The following GALNT17 variants were observed in gnomAD, a reference collection of about 807,000 sequenced individuals.
GALNT17 encodes the protein polypeptide N-acetylgalactosaminyltransferase 17, also known as UDP-GalNAc:polypeptide N-acetylgalactosaminyltransferase-like 3.
A neutral mutation model predicts 63.7 loss-of-function variants in GALNT17; 29 were observed. The observed-to-expected ratio is 0.46, with a 90% confidence interval of 0.34 to 0.62. GALNT17 has a LOEUF of 0.62. Among genes scored for constraint, GALNT17 ranks in the 20% least tolerant of loss-of-function variants. The pLI is 0.01. For missense variants in GALNT17, 603 were observed against 799.6 expected (o/e 0.75, Z 2.97); for synonymous variants, 305 against 318.3 (o/e 0.96, Z 0.45).
At chr7:71,448,994 G>T (rs1465503484) in intron 5 of GALNT17, among the ~76,000 whole-genome samples, 1 of 151,832 alleles carries the variant, frequency 6.6e-6, no homozygotes, top group Non-Finnish European at 1.5e-5. Context: ...GGTTTAAACG[G>T]ATGGATTCCA....
At chr7:71,369,191 T>A (rs999738424) in intron 2 of GALNT17, among the ~76,000 whole-genome samples, 1 of 152,220 alleles carries the variant, frequency 6.6e-6, no homozygotes, top group Non-Finnish European at 1.5e-5. Flanking sequence ...TTACATTGAT[T>A]AATGTATTAA....
chr7:71,710,907 C>T lies in GALNT17; in HGVS notation c.1647C>T (p.Tyr549=), dbSNP rs773384881. ...LDCDKVKSSL[Y]KRWNFIQNGA... is the part of the protein sequence containing the mutation. The stretch of plus-strand genomic sequence containing the variant: ...GCGACAAGGTCAAGAGCAGCCTGTA[C>T]AAGCGCTGGAACTTCATCCAGGTGA... Residue 549 remains tyrosine (Y), a synonymous_variant, in exon 10 of 11, where the codon TAC becomes TAT. Coordinates refer to ENST00000333538, the MANE Select transcript of GALNT17 (RefSeq NM_022479.3). 2 of 1,613,886 alleles carry T rather than the reference C, an allele frequency of 1.2e-6. No individual in the cohort carries two copies. Among genetic ancestry groups the T allele is most frequent in the Middle Eastern group, 1.7e-4 (1 of 5,988 alleles).
intron 3 of GALNT17, among the ~76,000 whole-genome samples, chr7:71,403,279 C>G (rs921048488): frequency 1.3e-5 from 2 of 152,204 alleles, no homozygotes; most frequent in Non-Finnish European, 2.9e-5. Context: ...CGCTCAGTTT[C>G]TCCCAGTGGT....
intron 2 of GALNT17, among the ~76,000 whole-genome samples, chr7:71,361,118 A>C (rs1457620849): frequency 6.6e-6 from 1 of 152,170 alleles, no homozygotes; most frequent in Non-Finnish European, 1.5e-5. Flanking sequence ...TGAGTTACCC[A>C]AAGTTCCCAG....
chr7:71,303,617 C>T (rs182110090), intron 1 of GALNT17, among the ~76,000 whole-genome samples: 46 of 152,198 alleles, frequency 3.0e-4, no homozygotes, highest in Non-Finnish European at 3.7e-4. Context: ...TTGTTTAATA[C>T]AGTGATTACT....
intron 1 of GALNT17, among the ~76,000 whole-genome samples, chr7:71,210,749 G>A (rs1789359998): frequency 6.6e-6 from 1 of 152,098 alleles, no homozygotes; most frequent in South Asian, 2.1e-4. Flanking sequence ...TCCTCCCTAT[G>A]CCTCACTTTC....
chr7:71,698,109 G>A (rs1439359798), intron 9 of GALNT17, among the ~76,000 whole-genome samples: 16 of 125,970 alleles, frequency 1.3e-4, no homozygotes, highest in Non-Finnish European at 2.0e-4. Context: ...CGCGACAAGA[G>A]CAAGACTCTG....
chr7:71,410,120 C>CT (rs1793403403), intron 3 of GALNT17, among the ~76,000 whole-genome samples: 1 of 152,148 alleles, frequency 6.6e-6, no homozygotes, highest in South Asian at 2.1e-4. Context: ...GTAACAGGGT[C>CT]TATTGTCCTA....
chr7:71,498,190 A>G (rs1205620454), intron 5 of GALNT17, among the ~76,000 whole-genome samples: 5 of 152,130 alleles, frequency 3.3e-5, no homozygotes, highest in South Asian at 2.1e-4. Context: ...AAAGAGAGAA[A>G]GAGGGCTGGG....
intron 5 of GALNT17, among the ~76,000 whole-genome samples, chr7:71,499,331 G>A (rs1477803319): frequency 6.6e-6 from 1 of 152,130 alleles, no homozygotes; most frequent in East Asian, 1.9e-4. Flanking sequence ...TGAGATGGGA[G>A]GATCATATCA....
At chr7:71,184,539 C>T (rs911798558) in intron 1 of GALNT17, among the ~76,000 whole-genome samples, 6 of 152,176 alleles carry the variant, frequency 3.9e-5, no homozygotes, top group Non-Finnish European at 5.9e-5. Flanking sequence ...AGAGCCTTAT[C>T]CTCTTAAGAT....
chr7:71,259,079 G>A (rs540564133), intron 1 of GALNT17, among the ~76,000 whole-genome samples: 51 of 152,244 alleles, frequency 3.3e-4, no homozygotes, highest in South Asian at 8.3e-4. Flanking sequence ...CTGGCACACC[G>A]TACCCACTGG....
chr7:71,509,581 C>A (rs1180468088), intron 5 of GALNT17, among the ~76,000 whole-genome samples: 2 of 152,188 alleles, frequency 1.3e-5, no homozygotes, highest in African/African-American at 4.8e-5. Flanking sequence ...TTAAACTTGC[C>A]CGTAGTCACA....
At chr7:71,590,588 G>C (rs1241753565) in intron 6 of GALNT17, among the ~76,000 whole-genome samples, 1 of 152,200 alleles carries the variant, frequency 6.6e-6, no homozygotes, top group Non-Finnish European at 1.5e-5. Context: ...ATGACATCCT[G>C]ATGTGCTTGT....
chr7:71,252,952 A>T (rs1446519525), intron 1 of GALNT17, among the ~76,000 whole-genome samples: 1 of 152,218 alleles, frequency 6.6e-6, no homozygotes, highest in East Asian at 1.9e-4. Flanking sequence ...GACAAAGGAC[A>T]GATTTGAAAT....
intron 2 of GALNT17, among the ~76,000 whole-genome samples, chr7:71,364,373 T>C (rs778410437): frequency 6.6e-6 from 1 of 152,178 alleles, no homozygotes; most frequent in African/African-American, 2.4e-5. Flanking sequence ...AGTGTCTCGC[T>C]TCAGTCCTGG....
chr7:71,280,818 C>A (rs1790766408), intron 1 of GALNT17, among the ~76,000 whole-genome samples: 1 of 152,148 alleles, frequency 6.6e-6, no homozygotes, highest in Non-Finnish European at 1.5e-5. Context: ...CTGAACCCAT[C>A]CCAGGGGATG....
intron 5 of GALNT17, among the ~76,000 whole-genome samples, chr7:71,562,579 G>A (rs1442980123): frequency 6.6e-6 from 1 of 152,120 alleles, no homozygotes; most frequent in Non-Finnish European, 1.5e-5. Context: ...TCACAACAGG[G>A]TGTGCACACC....
chr7:71,589,314 A>G (rs1584073184), intron 6 of GALNT17, among the ~76,000 whole-genome samples: 1 of 152,306 alleles, frequency 6.6e-6, no homozygotes, highest in East Asian at 1.9e-4. Flanking sequence ...ACAGTGGCTC[A>G]CACCTGTAAT....
Sources: allele counts gnomAD v4.1 joint callset (sites outside exome capture counted in the v4.1 genomes callset), GRCh38; gene constraint gnomAD v4.1.1; transcripts MANE v1.5; gene names NCBI Gene and HGNC (gene_info 2026-07-23, HGNC 2026-07-21).